Variants in ZNF423 observed in about 807,000 individuals in gnomAD.
ZNF423 encodes Ebf-associated zinc finger protein.
Under a neutral mutation model 95.8 loss-of-function variants are expected in ZNF423, and 12 were observed. That is an observed-to-expected ratio of 0.13 (90% confidence interval 0.08 to 0.20). The LOEUF is 0.20. Among genes scored for constraint, ZNF423 ranks in the 10% least tolerant of loss-of-function variants. The pLI is 1.00. For missense variants in ZNF423, 1,316 were observed against 1,737.1 expected, an observed-to-expected ratio of 0.76 and a Z score of 4.31; for synonymous variants, 749 against 711.9, an observed-to-expected ratio of 1.05 and a Z score of -0.83.
chr16:49,844,759 G>A (rs1054834222), intron 1 of ZNF423, among the ~76,000 whole-genome samples: 18 of 151,934 alleles, frequency 1.2e-4, no homozygotes, highest in East Asian at 7.7e-4. Flanking sequence ...AAATATTGGC[G>A]AGGCCCTGTG....
intron 5 of ZNF423, among the ~76,000 whole-genome samples, chr16:49,560,139 C>T (rs966589836): frequency 6.6e-6 from 1 of 152,170 alleles, no homozygotes; most frequent in Non-Finnish European, 1.5e-5. Context: ...GCAATAGCAT[C>T]GAAGCCGGTG....
At chr16:49,744,834 C>A (rs956869409) in intron 2 of ZNF423, among the ~76,000 whole-genome samples, 2 of 152,204 alleles carry the variant, frequency 1.3e-5, no homozygotes, top group Non-Finnish European at 2.9e-5. Context: ...CCACTCACCA[C>A]CCCCAGGCTC....
At chr16:49,740,398 G>C (rs535852444) in intron 2 of ZNF423, among the ~76,000 whole-genome samples, 1 of 152,138 alleles carries the variant, frequency 6.6e-6, no homozygotes, top group African/African-American at 2.4e-5. Flanking sequence ...TGGGCAAAGA[G>C]CCCACCAACC....
intron 2 of ZNF423, among the ~76,000 whole-genome samples, chr16:49,760,238 G>A (rs2033803877): frequency 7.7e-6 from 1 of 130,412 alleles, no homozygotes; most frequent in African/African-American, 2.9e-5. Context: ...GGGTGGGTGG[G>A]GTGGGTAGAT....
chr16:49,731,042 G>A (rs188125432), intron 2 of ZNF423, 71 bp from the exon 3 acceptor site: 77 of 1,526,118 alleles, frequency 5.0e-5, no homozygotes, highest in African/African-American at 5.5e-5. Context: ...AGAATCGCCC[G>A]GCATTTATTA....
intron 1 of ZNF423, among the ~76,000 whole-genome samples, chr16:49,830,896 A>G (rs2047936): frequency 0.49 from 74,931 of 151,858 alleles, 18,628 homozygotes; most frequent in Middle Eastern, 0.65. Context: ...TGGATTGCAC[A>G]TCTTGCAGCT....
chr16:49,590,385 C>T (rs1970975865), intron 5 of ZNF423, among the ~76,000 whole-genome samples: 1 of 152,058 alleles, frequency 6.6e-6, no homozygotes, highest in African/African-American at 2.4e-5. Flanking sequence ...CTCACACCGG[C>T]CACGTTTTCA....
chr16:49,504,359 A>C (rs910097731), intron 7 of ZNF423, among the ~76,000 whole-genome samples: 3 of 152,220 alleles, frequency 2.0e-5, no homozygotes, highest in Non-Finnish European at 2.9e-5. Flanking sequence ...AGGTGGGCAG[A>C]ACACTTGAGG....
At chr16:49,848,715 GACA>G (rs1250063089) in intron 1 of ZNF423, among the ~76,000 whole-genome samples, 1 of 152,140 alleles carries the variant, frequency 6.6e-6, no homozygotes, top group East Asian at 1.9e-4. Flanking sequence ...AATTAGTCCT[GACA>G]AATTGCTGGC....
At chr16:49,518,736 T>C (rs975656973) in intron 7 of ZNF423, 3 of 331,230 alleles carry the variant, frequency 9.1e-6, no homozygotes, top group Admixed American at 9.1e-5. Context: ...CTTTTGAGTA[T>C]GGCTTTTGTC....
At chr16:49,816,771 G>A (rs547762328) in intron 1 of ZNF423, among the ~76,000 whole-genome samples, 7 of 152,078 alleles carry the variant, frequency 4.6e-5, no homozygotes, top group African/African-American at 1.2e-4. Context: ...GTGACAGAGC[G>A]AGACCCTGTC....
At chr16:49,721,092 A>G (rs1328980778) in intron 3 of ZNF423, among the ~76,000 whole-genome samples, 1 of 152,210 alleles carries the variant, frequency 6.6e-6, no homozygotes, top group Non-Finnish European at 1.5e-5. Flanking sequence ...ATGTCAACAG[A>G]CATGGGGCAG....
rs142820713 is a variant in ZNF423 at position 49,690,753 on chromosome 16, C to A, written c.301+40018G>T. Among the ~76,000 whole-genome samples the A allele has an allele frequency of 3.5e-4, 53 of 152,208 alleles. 1 individual carries two copies. In the East Asian group the frequency reaches 0.01, roughly 29 times the overall value. ...GGTGCCTCCTGGAAGCCTTATTACA[C>A]CCTATAGGGGCACACAGAGAGGTAC... On this transcript the variant is annotated intron_variant, in intron 3 of 7. Coordinates refer to ENST00000563137, the MANE Select transcript of ZNF423 (RefSeq NM_001379286.1).
intron 1 of ZNF423, among the ~76,000 whole-genome samples, chr16:49,807,841 G>A (rs562274728): frequency 6.6e-6 from 1 of 152,200 alleles, no homozygotes; most frequent in Non-Finnish European, 1.5e-5. Flanking sequence ...AGGCTCCAGA[G>A]CAGCAACTCA....
intron 5 of ZNF423, among the ~76,000 whole-genome samples, chr16:49,583,868 A>G (rs1970744267): frequency 1.3e-5 from 2 of 152,362 alleles, no homozygotes; most frequent in African/African-American, 4.8e-5. Flanking sequence ...TACTTTGCTA[A>G]GTTATAAGAA....
At chr16:49,677,616 C>A (rs896809256) in intron 3 of ZNF423, among the ~76,000 whole-genome samples, 1 of 151,672 alleles carries the variant, frequency 6.6e-6, no homozygotes, top group African/African-American at 2.4e-5. Context: ...GAGACCCTGT[C>A]TCTATAAAAT....
chr16:49,728,085 C>T (rs902319812), intron 3 of ZNF423, among the ~76,000 whole-genome samples: 2 of 152,174 alleles, frequency 1.3e-5, no homozygotes, highest in African/African-American at 2.4e-5. Context: ...CCCCAGTACT[C>T]ACTTCCTACA....
chr16:49,525,516 A>C (rs1469759637), intron 5 of ZNF423, 22 bp from the exon 6 acceptor site: 1 of 1,613,696 alleles, frequency 6.2e-7, no homozygotes, highest in Non-Finnish European at 8.5e-7. Context: ...ACCCGTGACC[A>C]GTCAGTGACC....
chr16:49,568,791 C>T (rs1191706873), intron 5 of ZNF423, among the ~76,000 whole-genome samples: 1 of 152,128 alleles, frequency 6.6e-6, no homozygotes, highest in Non-Finnish European at 1.5e-5. Flanking sequence ...TGTTGGATGT[C>T]ACTCTGCTTG....
Sources: allele counts gnomAD v4.1 joint callset (sites outside exome capture counted in the v4.1 genomes callset), GRCh38; gene constraint gnomAD v4.1.1; transcripts MANE v1.5; gene names NCBI Gene and HGNC (gene_info 2026-07-23, HGNC 2026-07-21).